TRIP12: variants seen among roughly 807,000 people sequenced by gnomAD.
TRIP12 encodes the protein thyroid hormone receptor interactor 12, also known as E3 ubiquitin-protein ligase TRIP12.
A neutral mutation model predicts 244.2 loss-of-function variants in TRIP12; 25 were observed. The ratio of observed to expected loss-of-function variants is 0.10; its 90% CI spans 0.07 to 0.14. TRIP12 has a LOEUF of 0.14. Ranked by LOEUF, TRIP12 falls within the 10% of genes least tolerant of loss-of-function variation. The pLI, the probability that TRIP12 is intolerant of heterozygous loss-of-function variation, is 1.00. For missense variants in TRIP12, 1,677 were observed against 2,486.4 expected, an observed-to-expected ratio of 0.67 and a Z score of 6.92; for synonymous variants, 905 against 873.1, an observed-to-expected ratio of 1.04 and a Z score of -0.64.
At chr2:229,895,526 G>C (rs115861660) in intron 1 of TRIP12, among the ~76,000 whole-genome samples, 2,245 of 150,178 alleles carry the variant, frequency 0.015, 62 homozygotes, top group African/African-American at 0.052. Flanking sequence ...TCTAAACCCA[G>C]ACATGTCCTA....
At chr2:229,822,791 T>C (rs76948629) in intron 8 of TRIP12, among the ~76,000 whole-genome samples, 2,281 of 152,266 alleles carry the variant, frequency 0.015, 55 homozygotes, top group African/African-American at 0.051. Context: ...ACAAATGTTT[T>C]ATAAAGTATT....
intron 30 of TRIP12, 115 bp from the exon 31 acceptor site, chr2:229,789,877 G>A: frequency 2.7e-6 from 3 of 1,114,632 alleles, no homozygotes; most frequent in Non-Finnish European, 3.8e-6. Flanking sequence ...TCAACGCTTG[G>A]AATCTTATTA....
intron 1 of TRIP12, among the ~76,000 whole-genome samples, chr2:229,914,637 T>G (rs1205541705): frequency 6.6e-6 from 1 of 152,166 alleles, no homozygotes; most frequent in Non-Finnish European, 1.5e-5. Context: ...CATCTGACCT[T>G]AAGAACACAG....
intron 1 of TRIP12, among the ~76,000 whole-genome samples, chr2:229,884,565 C>G (rs2065602323): frequency 1.3e-5 from 2 of 151,994 alleles, no homozygotes; most frequent in African/African-American, 2.4e-5. Flanking sequence ...CTTCTAAATT[C>G]TTAATATCAT....
intron 15 of TRIP12, among the ~76,000 whole-genome samples, chr2:229,809,500 CA>C (rs1229914470): frequency 2.0e-5 from 3 of 152,228 alleles, no homozygotes; most frequent in African/African-American, 7.2e-5. Context: ...AGGCAGGCAG[CA>C]ATTTCCCAAA....
At position 229,802,283 on chromosome 2, in the gene TRIP12, TGCTGTGCTGCAA is replaced by T; in HGVS notation, c.3163_3174del (p.Leu1055_Ser1058del). ...GGGCTGAGATCTAAAGAATCATCCC[TGCTGTGCTGCAA>T]GCTGGGTGATCCCAAGTCAGCTGCA... On this transcript the variant is annotated inframe_deletion, in exon 21 of 42. Coordinates refer to ENST00000675903, the MANE Select transcript of TRIP12 (RefSeq NM_001348323.3). The T allele has an allele frequency of 6.2e-7, 1 of 1,611,642 alleles. No homozygotes were observed. The highest frequency in any genetic ancestry group is 2.2e-5 in the East Asian group (1 of 44,790).
intron 2 of TRIP12, among the ~76,000 whole-genome samples, chr2:229,872,741 C>A (rs999048991): frequency 6.6e-6 from 1 of 152,334 alleles, no homozygotes; most frequent in East Asian, 1.9e-4. Context: ...GTCTGTTAAA[C>A]TCTGCACCTT....
intron 2 of TRIP12, among the ~76,000 whole-genome samples, chr2:229,871,579 T>C (rs1173241726): frequency 6.6e-6 from 1 of 152,176 alleles, no homozygotes; most frequent in Non-Finnish European, 1.5e-5. Context: ...TCTGCCGTGA[T>C]TTTAAGCTCC....
At chr2:229,799,159 G>T in intron 22 of TRIP12, 110 bp from the exon 23 acceptor site, 4 of 1,526,858 alleles carry the variant, frequency 2.6e-6, no homozygotes, top group Non-Finnish European at 3.6e-6. Flanking sequence ...AAAGAACTAA[G>T]AACACTTAGT....
At chr2:229,817,204 G>A (rs2048718357) in intron 9 of TRIP12, among the ~76,000 whole-genome samples, 1 of 152,116 alleles carries the variant, frequency 6.6e-6, no homozygotes, top group Non-Finnish European at 1.5e-5. Flanking sequence ...ACAATATGAT[G>A]TATAAATCAT....
At chr2:229,865,335 AAAAAAAAAG>A (rs1263598963) in intron 2 of TRIP12, among the ~76,000 whole-genome samples, 6 of 25,080 alleles carry the variant, frequency 2.4e-4, no homozygotes, top group African/African-American at 5.6e-4. Context: ...AAAAAAAAAA[AAAAAAAAAG>A]AAAGAAAGAA....
rs1338060192 is a variant in TRIP12 at position 229,880,071 on chromosome 2, G to T, written c.9C>A (p.Asn3Lys). The change falls in exon 2 of 42, where the codon AAC becomes AAA. Residue 3 changes from asparagine (N) to lysine (K), a missense_variant. Asn to Lys is a moderately conservative substitution (Grantham distance 94). Around this residue, in one of 11 missense-constraint regions of TRIP12, gnomAD observed 387 missense variants for 392.6 expected, o/e 0.99. Transcript: ENST00000675903. The part of the protein sequence containing the change: MS[N>K]RPNNNPGGSL... ...ACCCCCCTGGATTGTTATTAGGCCG[G>T]TTGGACATTGGCACCTCTCTCTTGA... The T allele has an allele frequency of 1.9e-6, 3 of 1,614,046 alleles. No homozygotes were observed.
intron 2 of TRIP12, among the ~76,000 whole-genome samples, chr2:229,868,943 C>A (rs2062033136): frequency 6.6e-6 from 1 of 152,230 alleles, no homozygotes; most frequent in South Asian, 2.1e-4. Context: ...TGACTTGCTT[C>A]AGCCAAGGGA....
At chr2:229,850,700 T>A (rs2058492597) in intron 4 of TRIP12, among the ~76,000 whole-genome samples, 1 of 152,156 alleles carries the variant, frequency 6.6e-6, no homozygotes, top group African/African-American at 2.4e-5. Context: ...CTCCCTCAGC[T>A]TGCAGGGAGG....
chr2:229,799,170 C>G, intron 22 of TRIP12, 113 bp downstream of exon 22: 1 of 1,498,900 alleles, frequency 6.7e-7, no homozygotes, highest in African/African-American at 1.4e-5. Context: ...AACACTTAGT[C>G]CTCAGGAAAC....
chr2:229,914,160 G>A (rs2074919027), intron 1 of TRIP12, among the ~76,000 whole-genome samples: 2 of 151,974 alleles, frequency 1.3e-5, no homozygotes, highest in African/African-American at 2.4e-5. Context: ...AGTCGGGATC[G>A]CACCACTGCA....
chr2:229,884,465 G>T (rs1256131503), intron 1 of TRIP12, among the ~76,000 whole-genome samples: 1 of 151,958 alleles, frequency 6.6e-6, no homozygotes, highest in Non-Finnish European at 1.5e-5. Context: ...TTGAACTCAT[G>T]ACCTCAAGTG....
At chr2:229,890,161 C>T (rs1165160922) in intron 1 of TRIP12, among the ~76,000 whole-genome samples, 2 of 150,840 alleles carry the variant, frequency 1.3e-5, no homozygotes, top group Non-Finnish European at 2.9e-5. Flanking sequence ...CTCACTGCAA[C>T]CTCCGCCTCC....
intron 37 of TRIP12, 131 bp downstream of exon 37, chr2:229,777,184 C>A: frequency 9.5e-7 from 1 of 1,051,786 alleles, no homozygotes; most frequent in Non-Finnish European, 1.3e-6. Flanking sequence ...TTAGTTAGTA[C>A]AATAAAAGAA....
Sources: gnomAD v4.1 joint callset for allele counts (sites outside exome capture counted in the v4.1 genomes callset) on GRCh38, gnomAD v4.1.1 for gene constraint, gnomAD v4.1.1 regional missense constraint, MANE v1.5 for transcripts, NCBI Gene and HGNC (gene_info 2026-07-23, HGNC 2026-07-21) for gene names.